MRPL42: variants seen among roughly 807,000 people sequenced by gnomAD.
MRPL42 encodes large ribosomal subunit protein mL42.
A neutral mutation model predicts 17.9 loss-of-function variants in MRPL42; 17 were observed. The observed-to-expected ratio is 0.95, with a 90% CI of 0.65 to 1.42. The LOEUF (loss-of-function observed/expected upper bound fraction) is 1.42, where lower values mean the gene tolerates loss of function less well. Ranked by LOEUF, MRPL42 falls within the 40% of genes most tolerant of loss-of-function variation. The probability of loss-of-function intolerance (pLI) is 0.00; values close to 1 mark genes in which losing one functional copy is unlikely to be tolerated. For synonymous variants in MRPL42, 59 were observed against 54.4 expected (o/e 1.08, Z -0.37); for missense variants, 177 against 175.2 (o/e 1.01, Z -0.06).
intron 4 of MRPL42, among the ~76,000 whole-genome samples, chr12:93,484,699 C>T (rs971046514): frequency 1.6e-4 from 24 of 151,478 alleles, no homozygotes; most frequent in Non-Finnish European, 2.2e-4. Context: ...TGGGTTCAAA[C>T]GATTCTTCTG....
At chr12:93,499,114 G>C (rs1380347499) in intron 5 of MRPL42, among the ~76,000 whole-genome samples, 1 of 71,790 alleles carries the variant, frequency 1.4e-5, no homozygotes, top group Non-Finnish European at 2.9e-5. Context: ...TTAATTAATA[G>C]TGTCTGCAAG....
In MRPL42 at chr12:93,510,991, T is replaced by C. The variant is rs1245105945; in HGVS notation, c.*9770T>C. On this transcript the variant is annotated 3_prime_UTR_variant, in exon 6 of 6. Coordinates refer to ENST00000549982, the MANE Select transcript of MRPL42 (RefSeq NM_014050.4). ...CCATGTTATGGATGGCAAAATAACT[T>C]CACTGGCTTTTTTTATCAAGAAAAG... 3 of 152,212 alleles carry C rather than the reference T, an allele frequency of 2.0e-5. No individual in the cohort carries two copies. The highest frequency in any genetic ancestry group is 7.2e-5 in the African/African-American group (3 of 41,454). The allele number at this position is 152,212 out of a possible 1,614,324, so 9.4% of individuals were successfully genotyped here. A position where few individuals can be genotyped will look rare whatever the true frequency, so the allele number is the denominator to read the frequency against.
intron 4 of MRPL42, among the ~76,000 whole-genome samples, chr12:93,484,656 G>A (rs1164011961): frequency 6.6e-6 from 1 of 151,916 alleles, no homozygotes; most frequent in African/African-American, 2.4e-5. Flanking sequence ...GAATGCGGTG[G>A]CATGATCTTG....
At chr12:93,483,587 G>C (rs114745076) in intron 4 of MRPL42, among the ~76,000 whole-genome samples, 7,698 of 152,208 alleles carry the variant, frequency 0.051, 245 homozygotes, top group South Asian at 0.14. Flanking sequence ...CCTGTATAGG[G>C]TACTTAACCA....
intron 5 of MRPL42, among the ~76,000 whole-genome samples, chr12:93,496,643 T>TAAAAAAAAAAAA (rs35375116): frequency 1.4e-5 from 1 of 70,716 alleles, no homozygotes; most frequent in Non-Finnish European, 2.5e-5. Flanking sequence ...TCAGATTAGG[T>TAAAAAAAAAAAA]AAAAAAAAAA....
chr12:93,500,708 T>C (rs1227747241), intron 5 of MRPL42: 1 of 152,456 alleles, frequency 6.6e-6, no homozygotes, highest in African/African-American at 2.4e-5. Flanking sequence ...CAAAAAACCA[T>C]TAGTTTTTAT....
intron 2 of MRPL42, among the ~76,000 whole-genome samples, chr12:93,469,647 G>T (rs938801517): frequency 9.9e-5 from 15 of 152,006 alleles, no homozygotes; most frequent in African/African-American, 3.6e-4. Flanking sequence ...AAAAATGTGG[G>T]TTGGGGAGGG....
chr12:93,470,786 T>C (rs2121160050), intron 2 of MRPL42, among the ~76,000 whole-genome samples: 1 of 152,362 alleles, frequency 6.6e-6, no homozygotes, highest in South Asian at 2.1e-4. Context: ...GTAAAGGACA[T>C]GATTTTATTT....
At position 93,506,322 on chromosome 12, in the gene MRPL42, G is replaced by A. The variant is rs1255528086; in HGVS notation, c.*5101G>A. 1 of 141,584 alleles carries A rather than the reference G, an allele frequency of 7.1e-6. No individual in the cohort carries two copies. The highest frequency in any genetic ancestry group is 1.5e-5 in the Non-Finnish European group (1 of 66,954). 8.8% of individuals were successfully genotyped at this position (141,584 alleles called of 1,614,324 possible). On this transcript the variant is annotated 3_prime_UTR_variant, in exon 6 of 6. Transcript: ENST00000549982. ...CTCTTGTTGCCTTGGCTGGAGTGTAGTGGCACATTCTCAGCTCACTGCAAC... is the reference window on the plus strand; with the variant it reads ...CTCTTGTTGCCTTGGCTGGAGTGTAATGGCACATTCTCAGCTCACTGCAAC...
intron 5 of MRPL42, among the ~76,000 whole-genome samples, chr12:93,496,950 G>C (rs926972698): frequency 6.6e-6 from 1 of 152,004 alleles, no homozygotes; most frequent in Non-Finnish European, 1.5e-5. Flanking sequence ...AACACTTCAA[G>C]CACACAACTA....
At chr12:93,495,867 G>T (rs1031842787) in intron 5 of MRPL42, among the ~76,000 whole-genome samples, 7 of 152,098 alleles carry the variant, frequency 4.6e-5, no homozygotes, top group African/African-American at 1.7e-4. Flanking sequence ...GAATCACTGG[G>T]AAATTTACCA....
rs1339711553 is a variant in MRPL42, at chr12:93,512,917, T to G, written c.*11696T>G. On this transcript the variant is annotated 3_prime_UTR_variant, in exon 6 of 6. Coordinates refer to ENST00000549982, the MANE Select transcript of MRPL42 (RefSeq NM_014050.4). ...CAACTAATGAAGGATTAAAAATGAA[T>G]TTTGAAAATACCACACCACTTGCTT... 6.6e-6 allele frequency: 1 copy of G among 152,230 alleles called. No homozygotes were observed. 9.4% of individuals were successfully genotyped at this position (152,230 alleles called of 1,614,324 possible). A position where few individuals can be genotyped will look rare whatever the true frequency, so the allele number is the denominator to read the frequency against.
Position 93,476,976 on chromosome 12 carries a change from T to C in MRPL42, c.93T>C (p.Cys31=). The C allele has an allele frequency of 6.2e-7, 1 of 1,609,904 alleles. No homozygotes were observed. Among genetic ancestry groups the C allele is most frequent in the East Asian group, 2.2e-5 (1 of 44,762 alleles). Reference sequence around the variant, plus strand: ...CAGATGGAGCTTTATATTGTGTTTGTCATAAATCTACGTATTCTCCTCTAC... The same window carrying C: ...CAGATGGAGCTTTATATTGTGTTTGCCATAAATCTACGTATTCTCCTCTAC... ...PVQNGALYCV[C]HKSTYSPLPD... Residue 31 remains cysteine (C), a synonymous_variant, in exon 3 of 6, where the codon TGT becomes TGC. Transcript: ENST00000549982.
chr12:93,476,937 G>C lies in MRPL42; in HGVS notation c.71-17G>C, dbSNP rs768847147. On this transcript the variant is annotated splice_polypyrimidine_tract_variant and intron_variant, in intron 2 of 5. Transcript: ENST00000549982. ...TCAAATTAACCAAATCTGTTTTACT[G>C]TTTGGGGTTTTTGCAGATGGAGCTT... is the stretch of plus-strand genomic sequence containing the variant. 2 of 1,597,288 alleles carry C rather than the reference G, an allele frequency of 1.3e-6. No homozygotes were observed. The highest frequency in any genetic ancestry group is 2.2e-5 in the East Asian group (1 of 44,658).
At chr12:93,497,683 C>T (rs1201643830) in intron 5 of MRPL42, among the ~76,000 whole-genome samples, 1 of 151,584 alleles carries the variant, frequency 6.6e-6, no homozygotes, top group African/African-American at 2.4e-5. Flanking sequence ...CAAGGATGCC[C>T]ACTCACACTA....
intron 5 of MRPL42, among the ~76,000 whole-genome samples, chr12:93,496,394 AT>A (rs1277066577): frequency 6.6e-6 from 1 of 152,102 alleles, no homozygotes; most frequent in Non-Finnish European, 1.5e-5. Context: ...TCCAGAGAAG[AT>A]TTAACCAAAA....
chr12:93,509,814 T>C lies in MRPL42; in HGVS notation c.*8593T>C, dbSNP rs1686293911. 1 of 151,970 alleles carries C rather than the reference T, an allele frequency of 6.6e-6. No individual in the cohort carries two copies. Among genetic ancestry groups the C allele is most frequent in the Admixed American group, 6.6e-5 (1 of 15,252 alleles). The allele number at this position is 151,970 out of a possible 1,614,324, so 9.4% of individuals were successfully genotyped here. A position where few individuals can be genotyped will look rare whatever the true frequency, so the allele number is the denominator to read the frequency against. ...TTAGTTTTTAAAAGTAGTTTTAGGT[T>C]CTGAGCAAAATTGAGAGGAGGGTAC... On this transcript the variant is annotated 3_prime_UTR_variant, in exon 6 of 6. Coordinates refer to ENST00000549982, the MANE Select transcript of MRPL42 (RefSeq NM_014050.4).
At chr12:93,484,409 T>C (rs921793638) in intron 4 of MRPL42, among the ~76,000 whole-genome samples, 1 of 152,228 alleles carries the variant, frequency 6.6e-6, no homozygotes, top group Non-Finnish European at 1.5e-5. Flanking sequence ...CATAATTGTA[T>C]GTGCTATACT....
At chr12:93,481,836 C>T (rs963839324) in intron 4 of MRPL42, among the ~76,000 whole-genome samples, 2 of 152,178 alleles carry the variant, frequency 1.3e-5, no homozygotes, top group African/African-American at 4.8e-5. Flanking sequence ...TCTTTGTAAC[C>T]TACATCGATT....
Sources: allele counts gnomAD v4.1 joint callset (sites outside exome capture counted in the v4.1 genomes callset), GRCh38; gene constraint gnomAD v4.1.1; transcripts MANE v1.5; gene names NCBI Gene and HGNC (gene_info 2026-07-23, HGNC 2026-07-21).